The following TENM3 variants were observed in gnomAD, a reference collection of about 807,000 sequenced individuals.
TENM3 encodes the protein teneurin-3.
Under a neutral mutation model 255.1 loss-of-function variants are expected in TENM3, and 63 were observed. That is an observed-to-expected ratio of 0.25 (90% confidence interval 0.20 to 0.30). TENM3 has a LOEUF of 0.30. TENM3 is among the 10% of genes least tolerant of loss of function. The pLI, the probability that TENM3 is intolerant of heterozygous loss-of-function variation, is 1.00. For synonymous variants in TENM3, 1,306 were observed against 1,322.3 expected (o/e 0.99, Z 0.27); for missense variants, 2,929 against 3,461.1 (o/e 0.85, Z 3.86).
the TENM3 span, among the ~76,000 whole-genome samples, chr4:181,754,882 G>A: frequency 3.3e-5 from 5 of 152,250 alleles, no homozygotes; most frequent in African/African-American, 1.2e-4. Context: ...ATACGAAAAT[G>A]TTATTGTACA....
chr4:182,317,785 C>T (rs1047678278), intron 1 of TENM3, among the ~76,000 whole-genome samples: 3 of 151,906 alleles, frequency 2.0e-5, no homozygotes, highest in Non-Finnish European at 4.4e-5. Flanking sequence ...ACATTTGCCT[C>T]AGGAAACATA....
chr4:182,034,080 G>A, the TENM3 span, among the ~76,000 whole-genome samples: 2 of 152,280 alleles, frequency 1.3e-5, no homozygotes, highest in South Asian at 4.1e-4. Context: ...CAAAGGAGAA[G>A]CCAAGGCGTG....
the TENM3 span, among the ~76,000 whole-genome samples, chr4:181,991,552 G>A: frequency 6.6e-6 from 1 of 152,102 alleles, no homozygotes; most frequent in Non-Finnish European, 1.5e-5. Flanking sequence ...AGCTGTCATC[G>A]TCCAGTGGCT....
At chr4:182,002,814 C>T in the TENM3 span, among the ~76,000 whole-genome samples, 2 of 152,120 alleles carry the variant, frequency 1.3e-5, no homozygotes, top group East Asian at 3.9e-4. Context: ...AGAAGACCTG[C>T]ATTCACATCC....
chr4:182,140,288 C>T (rs982385664), upstream of TENM3, among the ~76,000 whole-genome samples: 3 of 152,172 alleles, frequency 2.0e-5, no homozygotes, highest in Admixed American at 6.5e-5. Flanking sequence ...AGCCTCTGTT[C>T]TAAAGTGGCC....
chr4:181,803,954 GAAAGAAAGAAAGAA>G, the TENM3 span, among the ~76,000 whole-genome samples: 1 of 36,174 alleles, frequency 2.8e-5, no homozygotes. Flanking sequence ...AAAAAAAAAA[GAAAGAAAGAAAGAA>G]AAAGAAAGGA....
At chr4:182,134,109 T>C in the TENM3 span, among the ~76,000 whole-genome samples, 1 of 152,190 alleles carries the variant, frequency 6.6e-6, no homozygotes, top group Non-Finnish European at 1.5e-5. Flanking sequence ...ATATTTGTCA[T>C]CAAGATAATC....
the TENM3 span, among the ~76,000 whole-genome samples, chr4:181,553,380 A>T: frequency 6.6e-6 from 1 of 151,846 alleles, no homozygotes; most frequent in South Asian, 2.1e-4. Context: ...TATTTTATGT[A>T]TATATCCAAG....
chr4:182,324,325 A>G (rs776040320), intron 2 of TENM3, 73 bp downstream of exon 2: 82 of 1,122,192 alleles, frequency 7.3e-5, no homozygotes, highest in Non-Finnish European at 1.1e-4. Flanking sequence ...TTTCCCCTCA[A>G]GGTGACATGT....
At chr4:182,354,308 T>C (rs1311168722) in intron 3 of TENM3, among the ~76,000 whole-genome samples, 1 of 152,250 alleles carries the variant, frequency 6.6e-6, no homozygotes, top group Non-Finnish European at 1.5e-5. Flanking sequence ...AAACTGATGA[T>C]GTATGCTATT....
chr4:181,469,910 G>A, the TENM3 span, among the ~76,000 whole-genome samples: 1 of 151,782 alleles, frequency 6.6e-6, no homozygotes, highest in South Asian at 2.1e-4. Flanking sequence ...AAGAAAACAG[G>A]AGACCCTGCC....
At chr4:182,297,925 C>A (rs1034078636) in intron 1 of TENM3, among the ~76,000 whole-genome samples, 1 of 152,188 alleles carries the variant, frequency 6.6e-6, no homozygotes, top group African/African-American at 2.4e-5. Flanking sequence ...CAGGCCTCTC[C>A]TCTGCCCCAT....
At chr4:182,015,720 C>T in the TENM3 span, among the ~76,000 whole-genome samples, 22 of 152,088 alleles carry the variant, frequency 1.4e-4, no homozygotes, top group South Asian at 4.6e-3. Flanking sequence ...ACCACCACAC[C>T]CAGCTAGTTT....
At chr4:182,121,708 T>C in the TENM3 span, among the ~76,000 whole-genome samples, 4 of 152,332 alleles carry the variant, frequency 2.6e-5, no homozygotes, top group Non-Finnish European at 4.4e-5. Flanking sequence ...CAGCAAGCCA[T>C]AATATTTTTG....
the TENM3 span, among the ~76,000 whole-genome samples, chr4:181,471,095 G>A: frequency 1.3e-5 from 2 of 151,966 alleles, no homozygotes; most frequent in African/African-American, 2.4e-5. Context: ...CCCACTCCTG[G>A]ACTGGCATGA....
At chr4:182,787,338 G>A (rs1765747971) in intron 24 of TENM3, among the ~76,000 whole-genome samples, 1 of 152,290 alleles carries the variant, frequency 6.6e-6, no homozygotes, top group Non-Finnish European at 1.5e-5. Flanking sequence ...ATCAGGCTTC[G>A]GACTCTTGGG....
the TENM3 span, among the ~76,000 whole-genome samples, chr4:181,563,116 C>T: frequency 5.9e-5 from 9 of 152,306 alleles, no homozygotes; most frequent in East Asian, 9.6e-4. Context: ...GTACCACACA[C>T]GGGGAGGGTG....
intron 19 of TENM3, among the ~76,000 whole-genome samples, chr4:182,744,631 C>T (rs1009391811): frequency 2.0e-5 from 3 of 152,048 alleles, no homozygotes; most frequent in African/African-American, 4.8e-5. Flanking sequence ...TTAAAACATA[C>T]GATTATGTGA....
At chr4:181,725,306 C>T in the TENM3 span, among the ~76,000 whole-genome samples, 846 of 152,208 alleles carry the variant, frequency 5.6e-3, 10 homozygotes, top group African/African-American at 0.019. Context: ...AATACACATG[C>T]AAATTGCCAT....
Sources: allele counts gnomAD v4.1 joint callset (sites outside exome capture counted in the v4.1 genomes callset), GRCh38; gene constraint gnomAD v4.1.1; transcripts MANE v1.5; gene names NCBI Gene and HGNC (gene_info 2026-07-23, HGNC 2026-07-21).